CRTAM: variants seen among roughly 807,000 people sequenced by gnomAD.
The protein encoded by CRTAM is cytotoxic and regulatory T-cell molecule.
Under a neutral mutation model 50.0 loss-of-function variants are expected in CRTAM, and 44 were observed. That is an observed-to-expected ratio of 0.88 (90% CI 0.69 to 1.13). The LOEUF is 1.13. CRTAM is among the 50% of genes most tolerant of loss of function. The probability of loss-of-function intolerance (pLI) is 0.00; values close to 1 mark genes in which losing one functional copy is unlikely to be tolerated. For synonymous variants in CRTAM, 159 were observed against 169.3 expected (o/e 0.94, Z 0.47); for missense variants, 448 against 457.5 (o/e 0.98, Z 0.19).
At position 122,868,866 on chromosome 11, in the gene CRTAM, G is replaced by A. The variant is rs180962693; in HGVS notation, c.1051+767G>A. Among the ~76,000 whole-genome samples the A allele has an allele frequency of 3.0e-3, 451 of 152,186 alleles. 1 individual carries two copies. The highest frequency in any genetic ancestry group is 9.7e-3 in the African/African-American group (404 of 41,510). ...TACTAAAAATACAAAACAATTAGCC[G>A]GGCATGGTGGCAGGAGCCTGTAGTC... On this transcript the variant is annotated intron_variant, in intron 9 of 9. Transcript: ENST00000227348.
chr11:122,858,604 G>A (rs903561159), intron 5 of CRTAM, among the ~76,000 whole-genome samples: 22 of 151,950 alleles, frequency 1.4e-4, no homozygotes. Flanking sequence ...ATCATAGCTC[G>A]CTGCAGCCTC....
chr11:122,867,331 T>C, intron 7 of CRTAM, 78 bp from the exon 8 acceptor site: 2 of 1,241,148 alleles, frequency 1.6e-6, no homozygotes, highest in East Asian at 2.4e-5. Context: ...ATTGTAGAAG[T>C]ATTGTTACAT....
chr11:122,856,735 G>A (rs1021604041), intron 5 of CRTAM, among the ~76,000 whole-genome samples: 3 of 152,246 alleles, frequency 2.0e-5, no homozygotes, highest in Admixed American at 6.5e-5. Context: ...AAGCTGCCGT[G>A]ATGCCCTGTG....
At chr11:122,864,260 G>C (rs571431083) in intron 6 of CRTAM, among the ~76,000 whole-genome samples, 1 of 152,158 alleles carries the variant, frequency 6.6e-6, no homozygotes, top group Non-Finnish European at 1.5e-5. Flanking sequence ...TAAATGCTGG[G>C]CTCTAGAGTT....
Position 122,868,106 on chromosome 11 carries a change from C to T in CRTAM, c.1051+7C>T, listed in dbSNP as rs1862203506. Reference sequence around the variant, plus strand: ...GAAGAGAAAAATGGCCAATGTAAGTCAACTGTATGACCTGAGATCTGAACA... The same window carrying T: ...GAAGAGAAAAATGGCCAATGTAAGTTAACTGTATGACCTGAGATCTGAACA... On this transcript the variant is annotated splice_region_variant and intron_variant, in intron 9 of 9. Coordinates refer to ENST00000227348, the MANE Select transcript of CRTAM (RefSeq NM_019604.4). The T allele has an allele frequency of 6.4e-7, 1 of 1,551,864 alleles. No individual in the cohort carries two copies. Among genetic ancestry groups the T allele is most frequent in the African/African-American group, 1.4e-5 (1 of 73,396 alleles).
At chr11:122,869,980 G>A (rs956270637) in intron 9 of CRTAM, among the ~76,000 whole-genome samples, 2 of 152,212 alleles carry the variant, frequency 1.3e-5, no homozygotes, top group Non-Finnish European at 2.9e-5. Flanking sequence ...TGCTCCCTGA[G>A]CTGTTTTTCC....
chr11:122,849,440 G>A (rs745695624), intron 1 of CRTAM, among the ~76,000 whole-genome samples: 1 of 152,176 alleles, frequency 6.6e-6, no homozygotes, highest in African/African-American at 2.4e-5. Context: ...ATTAAATTCG[G>A]GTTGGGTGCT....
intron 4 of CRTAM, among the ~76,000 whole-genome samples, chr11:122,854,737 A>C (rs1388012714): frequency 6.6e-6 from 1 of 151,860 alleles, no homozygotes; most frequent in Non-Finnish European, 1.5e-5. Context: ...AAATATATTT[A>C]ACATAATACA....
At chr11:122,860,983 C>G (rs894258728) in intron 5 of CRTAM, among the ~76,000 whole-genome samples, 4 of 152,178 alleles carry the variant, frequency 2.6e-5, no homozygotes, top group Non-Finnish European at 2.9e-5. Flanking sequence ...AGGCATGAAC[C>G]ATTGTGCCCG....
At chr11:122,863,066 C>T (rs1418069799) in intron 6 of CRTAM, among the ~76,000 whole-genome samples, 1 of 152,122 alleles carries the variant, frequency 6.6e-6, no homozygotes, top group East Asian at 1.9e-4. Flanking sequence ...TGGGATTGAA[C>T]TACAAATACA....
intron 5 of CRTAM, among the ~76,000 whole-genome samples, chr11:122,861,384 ACGT>A (rs2135246867): frequency 4.2e-5 from 3 of 71,266 alleles, no homozygotes; most frequent in African/African-American, 2.0e-4. Flanking sequence ...ACATACATAT[ACGT>A]ATATATATAT....
At chr11:122,839,237 G>T (rs746839779) in intron 1 of CRTAM, among the ~76,000 whole-genome samples, 36 of 152,140 alleles carry the variant, frequency 2.4e-4, no homozygotes, top group Non-Finnish European at 4.7e-4. Context: ...CGGCCTCCAC[G>T]TTGAATTTTA....
At chr11:122,859,362 C>T (rs1862043400) in intron 5 of CRTAM, among the ~76,000 whole-genome samples, 3 of 152,068 alleles carry the variant, frequency 2.0e-5, no homozygotes, top group Non-Finnish European at 4.4e-5. Flanking sequence ...CCACCTGCCT[C>T]GGCCTCCCAA....
At chr11:122,839,901 C>CT (rs1279985643) in intron 1 of CRTAM, among the ~76,000 whole-genome samples, 1 of 152,092 alleles carries the variant, frequency 6.6e-6, no homozygotes, top group Non-Finnish European at 1.5e-5. Context: ...TTAATGCCTT[C>CT]TTTTTTTGGT....
rs56388952 is a variant in CRTAM at position 122,854,037 on chromosome 11, G to A, written c.441G>A (p.Lys147=). The A allele has an allele frequency of 3.4e-3, 5,560 of 1,614,058 alleles. 145 individuals are homozygous for A. In the African/African-American group the frequency reaches 0.062, roughly 18 times the overall value. The change falls in exon 4 of 10, where the codon AAG becomes AAA. Residue 147 remains lysine, a synonymous_variant. Transcript: ENST00000227348. The stretch of plus-strand genomic sequence containing the variant: ...TCATGTGCTCCACCATGAGAAGCAA[G>A]CCCCCTCCGCAGATAACCTGGCTAC... ...VVLMCSTMRS[K]PPPQITWLLG... is the part of the protein sequence containing the mutation.
At chr11:122,868,405 G>A (rs1862210434) in intron 9 of CRTAM, among the ~76,000 whole-genome samples, 1 of 152,064 alleles carries the variant, frequency 6.6e-6, no homozygotes, top group South Asian at 2.1e-4. Flanking sequence ...CCTGAAATCC[G>A]AAGCTAGGGA....
intron 9 of CRTAM, among the ~76,000 whole-genome samples, chr11:122,869,010 AAAAAAT>A (rs1862220085): frequency 1.3e-5 from 2 of 152,224 alleles, no homozygotes; most frequent in Non-Finnish European, 2.9e-5. Flanking sequence ...CTCCACCTCA[AAAAAAT>A]AAAAATAAAA....
chr11:122,864,925 C>T (rs150389670), intron 7 of CRTAM, among the ~76,000 whole-genome samples: 412 of 152,250 alleles, frequency 2.7e-3, no homozygotes, highest in African/African-American at 9.4e-3. Flanking sequence ...TTGTTGCTAA[C>T]CACTGCTTCT....
intron 5 of CRTAM, among the ~76,000 whole-genome samples, chr11:122,856,084 C>T (rs999407715): frequency 7.2e-5 from 11 of 152,134 alleles, no homozygotes; most frequent in Admixed American, 2.6e-4. Flanking sequence ...CCTAGCACAG[C>T]GCCATATGCA....
Sources: allele counts gnomAD v4.1 joint callset (sites outside exome capture counted in the v4.1 genomes callset), GRCh38; gene constraint gnomAD v4.1.1; transcripts MANE v1.5; gene names NCBI Gene and HGNC (gene_info 2026-07-23, HGNC 2026-07-21).